The following E2F5 variants were observed in gnomAD, a reference collection of about 807,000 sequenced individuals.
The protein encoded by E2F5 is E2F transcription factor 5, also known as transcription factor E2F5.
Under a neutral mutation model 39.1 loss-of-function variants are expected in E2F5, and 23 were observed. That is an observed-to-expected ratio of 0.59 (90% CI 0.42 to 0.83). The LOEUF (loss-of-function observed/expected upper bound fraction) is 0.83, where lower values mean the gene tolerates loss of function less well. E2F5 is among the 40% of genes least tolerant of loss of function. E2F5 has a pLI of 0.00. For missense variants in E2F5, 365 were observed against 406.7 expected, an observed-to-expected ratio of 0.90 and a Z score of 0.88; for synonymous variants, 145 against 157.8, an observed-to-expected ratio of 0.92 and a Z score of 0.61.
At chr8:85,201,349 C>T (rs979573032) in intron 1 of E2F5, among the ~76,000 whole-genome samples, 11 of 152,142 alleles carry the variant, frequency 7.2e-5, no homozygotes, top group African/African-American at 2.7e-4. Flanking sequence ...AAATGTGGCT[C>T]CACATTCAAA....
chr8:85,177,461 C>G lies in E2F5; in HGVS notation c.41C>G (p.Pro14Arg). The G allele has an allele frequency of 1.0e-6, 1 of 1,001,648 alleles. No individual in the cohort carries two copies. Among genetic ancestry groups the G allele is most frequent in the Non-Finnish European group, 1.2e-6 (1 of 842,140 alleles). The allele number at this position is 1,001,648 out of a possible 1,614,324, so 62.0% of individuals were successfully genotyped here. A position where few individuals can be genotyped will look rare whatever the true frequency, so the allele number is the denominator to read the frequency against. ...AEPASSGQQA[P>R]AGQGQGQRPP... The stretch of plus-strand genomic sequence containing the variant: ...CCCGCGAGCTCGGGCCAGCAGGCGC[C>G]GGCAGGGCAGGGGCAGGGCCAGCGG... The change falls in exon 1 of 8, where the codon CCG becomes CGG. Residue 14 changes from proline to arginine, a missense_variant. Pro to Arg is a moderately radical substitution (Grantham distance 103). Coordinates refer to ENST00000416274, the MANE Select transcript of E2F5 (RefSeq NM_001951.4).
intron 3 of E2F5, 99 bp from the exon 4 acceptor site, chr8:85,206,078 C>A: frequency 8.9e-7 from 1 of 1,120,104 alleles, no homozygotes; most frequent in Non-Finnish European, 1.3e-6. Context: ...TCCCTCTGTG[C>A]ATATGGTCAT....
In E2F5 at chr8:85,209,182, G is replaced by C. The variant is rs1386153939; in HGVS notation, c.656G>C (p.Ser219Thr). Residue 219 changes from serine (S) to threonine (T), a missense_variant, in exon 6 of 8, where the codon AGT (serine) becomes ACT (threonine). Coordinates refer to ENST00000416274, the MANE Select transcript of E2F5 (RefSeq NM_001951.4). The part of the protein sequence containing the change: ...GQKKYQINLK[S>T]HSGPIHVLLI... ...AAGAAATACCAGATCAATCTAAAGA[G>C]TCATTCAGGACCTATCCATGTGCTG... is the stretch of plus-strand genomic sequence containing the variant. 6.2e-7 allele frequency: 1 copy of C among 1,613,990 alleles called. No individual in the cohort carries two copies. The highest frequency in any genetic ancestry group is 1.1e-5 in the South Asian group (1 of 91,080).
Position 85,200,136 on chromosome 8 carries a change from A to G in E2F5, c.235-2011A>G, listed in dbSNP as rs1311614556. Among the ~76,000 whole-genome samples, 6 of 152,224 alleles carry G rather than the reference A, an allele frequency of 3.9e-5. No individual in the cohort carries two copies. In the East Asian group the frequency reaches 1.2e-3, roughly 29 times the overall value. On this transcript the variant is annotated intron_variant, in intron 1 of 7. Transcript: ENST00000416274. ...GTGGTACACACCTGTAGTCCCAGCT[A>G]CTTGGGAGGCTGAGGCAGGAGAATC...
chr8:85,177,320 G>A lies in E2F5; in HGVS notation c.-101G>A, dbSNP rs541255201. 6.4e-5 allele frequency: 60 copies of A among 933,014 alleles called. No individual in the cohort carries two copies. The highest frequency in any genetic ancestry group is 5.5e-4 in the Middle Eastern group (1 of 1,832). The allele number at this position is 933,014 out of a possible 1,614,324, so 57.8% of individuals were successfully genotyped here. A position where few individuals can be genotyped will look rare whatever the true frequency, so the allele number is the denominator to read the frequency against. The stretch of plus-strand genomic sequence containing the variant: ...CGACCCGCACTACCGCTCTCGGCGG[G>A]CGGGGAAGCGGCCGCAGCGGAGCCG... On this transcript the variant is annotated 5_prime_UTR_variant, in exon 1 of 8. Transcript: ENST00000416274.
At chr8:85,179,951 C>T (rs558125690) in intron 1 of E2F5, among the ~76,000 whole-genome samples, 56 of 150,162 alleles carry the variant, frequency 3.7e-4, no homozygotes, top group African/African-American at 1.3e-3. Flanking sequence ...TGAGCCACCG[C>T]GCCCGGCCAA....
chr8:85,190,857 G>T (rs1409821800), intron 1 of E2F5, among the ~76,000 whole-genome samples: 1 of 152,092 alleles, frequency 6.6e-6, no homozygotes, highest in Non-Finnish European at 1.5e-5. Context: ...TAATCAAAAA[G>T]TTCTTCAAAG....
chr8:85,202,266 A>C lies in E2F5; in HGVS notation c.344+10A>C, dbSNP rs748887652. 8.3e-6 allele frequency: 13 copies of C among 1,571,662 alleles called. No individual in the cohort carries two copies. The highest frequency in any genetic ancestry group is 1.1e-5 in the Non-Finnish European group (13 of 1,157,300). On this transcript the variant is annotated intron_variant, in intron 2 of 7. Transcript: ENST00000416274. ...ACAGTATCCAGTGGAAGTAAGTTAC[A>C]AACCAGCACCCTCTTCTGAAACCTT...
chr8:85,177,821 G>A lies in E2F5; in HGVS notation c.234+167G>A, dbSNP rs367972763. Reference sequence around the variant, plus strand: ...GGCCTGCGCCCGGGTCGTGGACGCCGGGATGGGGGAGGGACGAGGGACCAG... The same window carrying A: ...GGCCTGCGCCCGGGTCGTGGACGCCAGGATGGGGGAGGGACGAGGGACCAG... On this transcript the variant is annotated intron_variant, in intron 1 of 7. Coordinates refer to ENST00000416274, the MANE Select transcript of E2F5 (RefSeq NM_001951.4). 89 of 1,116,610 alleles carry A rather than the reference G, an allele frequency of 8.0e-5. 1 individual carries two copies. The East Asian group carries it at 2.4e-3, about 29-fold the overall frequency. The allele number at this position is 1,116,610 out of a possible 1,614,324, so 69.2% of individuals were successfully genotyped here.
At chr8:85,184,521 TC>T (rs1248843693) in intron 1 of E2F5, among the ~76,000 whole-genome samples, 2 of 152,128 alleles carry the variant, frequency 1.3e-5, no homozygotes, top group African/African-American at 4.8e-5. Flanking sequence ...GCCAGGGCAG[TC>T]AGGCAAGAGA....
chr8:85,197,157 T>C (rs1587491319), intron 1 of E2F5, among the ~76,000 whole-genome samples: 3 of 152,312 alleles, frequency 2.0e-5, no homozygotes, highest in African/African-American at 7.2e-5. Context: ...AGCTAAACTA[T>C]TGAGTGCATA....
Position 85,209,304 on chromosome 8 carries a change from G to A in E2F5, c.778G>A (p.Val260Met), listed in dbSNP as rs774988888. Reference protein sequence around the residue: ...TQPSSQSLTPVTPQKSSMATQ... With the variant: ...TQPSSQSLTPMTPQKSSMATQ... Reference sequence around the variant, plus strand: ...GCCTTCCTCCCAGTCCTTGACTCCAGTGACTCCACAGAAATCCAGCATGGC... The same window carrying A: ...GCCTTCCTCCCAGTCCTTGACTCCAATGACTCCACAGAAATCCAGCATGGC... Residue 260 changes from valine to methionine, a missense_variant, in exon 6 of 8, where the codon GTG (valine) becomes ATG (methionine). Coordinates refer to ENST00000416274, the MANE Select transcript of E2F5 (RefSeq NM_001951.4). 6 of 1,613,956 alleles carry A rather than the reference G, an allele frequency of 3.7e-6. No homozygotes were observed. The highest frequency in any genetic ancestry group is 5.1e-6 in the Non-Finnish European group (6 of 1,179,888).
At chr8:85,210,861 A>G (rs2129760108) in intron 6 of E2F5, among the ~76,000 whole-genome samples, 1 of 152,294 alleles carries the variant, frequency 6.6e-6, no homozygotes, top group East Asian at 1.9e-4. Flanking sequence ...AATCCTAACT[A>G]AGGAAAGTAA....
intron 1 of E2F5, among the ~76,000 whole-genome samples, chr8:85,185,388 A>G (rs947711734): frequency 1.1e-4 from 17 of 152,214 alleles, no homozygotes; most frequent in Non-Finnish European, 1.8e-4. Flanking sequence ...ACTTAAACGT[A>G]AGACCTGAAA....
At chr8:85,193,237 C>T (rs1398010527) in intron 1 of E2F5, among the ~76,000 whole-genome samples, 1 of 152,018 alleles carries the variant, frequency 6.6e-6, no homozygotes, top group African/African-American at 2.4e-5. Flanking sequence ...GTACTCCCAG[C>T]ACTTTGGGAG....
At chr8:85,194,533 CTTTTTTTTTTT>C (rs753685580) in intron 1 of E2F5, among the ~76,000 whole-genome samples, 26 of 127,996 alleles carry the variant, frequency 2.0e-4, no homozygotes, top group African/African-American at 7.6e-4. Flanking sequence ...GTTTGTTTCT[CTTTTTTTTTTT>C]TTTTTTTTGA....
At chr8:85,197,562 C>T (rs190215212) in intron 1 of E2F5, among the ~76,000 whole-genome samples, 59 of 152,204 alleles carry the variant, frequency 3.9e-4, no homozygotes, top group African/African-American at 1.4e-3. Flanking sequence ...GCTTTGTTCA[C>T]CTTTGTTTAT....
chr8:85,197,936 C>T (rs1353985640), intron 1 of E2F5, among the ~76,000 whole-genome samples: 1 of 152,148 alleles, frequency 6.6e-6, no homozygotes, highest in African/African-American at 2.4e-5. Context: ...GCCAGTAGTG[C>T]TGTCCAGCGT....
chr8:85,196,048 A>G (rs1812572504), intron 1 of E2F5, among the ~76,000 whole-genome samples: 1 of 152,206 alleles, frequency 6.6e-6, no homozygotes, highest in Non-Finnish European at 1.5e-5. Flanking sequence ...TTTCAAAAAT[A>G]TCAAATACAG....
Sources: gnomAD v4.1 joint callset for allele counts (sites outside exome capture counted in the v4.1 genomes callset) on GRCh38, gnomAD v4.1.1 for gene constraint, MANE v1.5 for transcripts, NCBI Gene and HGNC (gene_info 2026-07-23, HGNC 2026-07-21) for gene names.